The following CFTR variants were observed in gnomAD, a reference collection of about 807,000 sequenced individuals.
The protein encoded by CFTR is cystic fibrosis transmembrane conductance regulator.
In CFTR, 181 loss-of-function variants were observed where a neutral mutation model predicts 171.6. The observed-to-expected ratio is 1.05, with a 90% CI of 0.93 to 1.19. The LOEUF is 1.19. Ranked by LOEUF, CFTR falls within the 50% of genes most tolerant of loss-of-function variation. The probability of loss-of-function intolerance (pLI) is 0.00; values close to 1 mark genes in which losing one functional copy is unlikely to be tolerated. For missense variants in CFTR, 1,968 were observed against 1,734.7 expected, an observed-to-expected ratio of 1.13 and a Z score of -2.39; for synonymous variants, 583 against 608.0, an observed-to-expected ratio of 0.96 and a Z score of 0.60.
chr7:117,620,023 A>G (rs1792550639), intron 21 of CFTR, among the ~76,000 whole-genome samples: 1 of 152,162 alleles, frequency 6.6e-6, no homozygotes, highest in Non-Finnish European at 1.5e-5. Context: ...ATTTTCTTGT[A>G]CTGAAAGTAG....
intron 11 of CFTR, among the ~76,000 whole-genome samples, chr7:117,582,955 T>A (rs1411948365): frequency 6.6e-6 from 1 of 152,134 alleles, no homozygotes; most frequent in Non-Finnish European, 1.5e-5. Context: ...CTCTAATATT[T>A]TTTCACCTTA....
At chr7:117,597,993 G>A (rs1201846172) in intron 15 of CFTR, among the ~76,000 whole-genome samples, 1 of 152,146 alleles carries the variant, frequency 6.6e-6, no homozygotes, top group Non-Finnish European at 1.5e-5. Flanking sequence ...GTGGCTGGGA[G>A]GCTGAATGGA....
At chr7:117,521,593 G>A (rs189575794) in intron 3 of CFTR, among the ~76,000 whole-genome samples, 7 of 152,100 alleles carry the variant, frequency 4.6e-5, no homozygotes, top group Admixed American at 4.6e-4. Context: ...AAATTAAACT[G>A]TCCTATTATT....
At chr7:117,602,953 A>G in intron 16 of CFTR, 90 bp downstream of exon 16, 1 of 1,182,726 alleles carries the variant, frequency 8.5e-7, no homozygotes, top group South Asian at 1.2e-5. Context: ...ATTGTAATCC[A>G]CTTTGTTTCA....
chr7:117,661,430 T>C (rs145945956), intron 24 of CFTR, among the ~76,000 whole-genome samples: 3 of 152,338 alleles, frequency 2.0e-5, no homozygotes, highest in Non-Finnish European at 4.4e-5. Context: ...GCTCAGCTCT[T>C]TGCCACAAGT....
chr7:117,549,952 T>C (rs1292800750), intron 10 of CFTR, among the ~76,000 whole-genome samples: 1 of 152,158 alleles, frequency 6.6e-6, no homozygotes, highest in Non-Finnish European at 1.5e-5. Context: ...GGCAATTATT[T>C]ATCAATATCT....
chr7:117,554,208 T>C (rs1799315334), intron 10 of CFTR, among the ~76,000 whole-genome samples: 1 of 152,148 alleles, frequency 6.6e-6, no homozygotes. Context: ...GAGTCTATTG[T>C]GCCAGTTCAG....
chr7:117,580,354 T>C (rs1382102770), intron 11 of CFTR, among the ~76,000 whole-genome samples: 8 of 151,934 alleles, frequency 5.3e-5, no homozygotes, highest in African/African-American at 1.9e-4. Context: ...TAGCAAAAAT[T>C]GAGGTGTGAT....
At chr7:117,639,609 G>T (rs1188928830) in intron 22 of CFTR, among the ~76,000 whole-genome samples, 1 of 152,126 alleles carries the variant, frequency 6.6e-6, no homozygotes, top group East Asian at 1.9e-4. Flanking sequence ...TTCTCCATTT[G>T]TAGTCTCTTG....
intron 11 of CFTR, among the ~76,000 whole-genome samples, chr7:117,575,440 C>T (rs1474200909): frequency 6.6e-6 from 1 of 151,996 alleles, no homozygotes; most frequent in Non-Finnish European, 1.5e-5. Flanking sequence ...TTGTGGTGGC[C>T]ATGAGATGTG....
chr7:117,614,658 A>G lies in CFTR; in HGVS notation c.3413A>G (p.Asn1138Ser). 1.9e-6 allele frequency: 3 copies of G among 1,612,650 alleles called. No homozygotes were observed. Among genetic ancestry groups the G allele is most frequent in the Non-Finnish European group, 2.5e-6 (3 of 1,178,882 alleles). Residue 1138 changes from asparagine (N) to serine (S), a missense_variant, in exon 21 of 27, where the codon AAT (asparagine) becomes AGT (serine). Physicochemically the swap from Asn to Ser is conservative, Grantham distance 46. Coordinates refer to ENST00000003084, the MANE Select transcript of CFTR (RefSeq NM_000492.4). ...RVGIILTLAM[N>S]IMSTLQWAVN... Reference sequence around the variant, plus strand: ...GGTATTATCCTGACTTTAGCCATGAATATCATGAGTACATTGCAGTGGGCT... The same window carrying G: ...GGTATTATCCTGACTTTAGCCATGAGTATCATGAGTACATTGCAGTGGGCT...
At chr7:117,505,231 C>G (rs1584774780) in intron 2 of CFTR, among the ~76,000 whole-genome samples, 1 of 152,092 alleles carries the variant, frequency 6.6e-6, no homozygotes, top group East Asian at 1.9e-4. Flanking sequence ...CAGCTGAGGT[C>G]TGTATTGCCT....
rs553400365 is a variant in CFTR at position 117,626,377 on chromosome 7, T to C, written c.3469-1145T>C. ...GCAAATACACTTTTGCCCACATTTT[T>C]TTCCAAAAAGAATAATTTTTGAAGT... On this transcript the variant is annotated intron_variant, in intron 21 of 26. Coordinates refer to ENST00000003084, the MANE Select transcript of CFTR (RefSeq NM_000492.4). Among the ~76,000 whole-genome samples the C allele has an allele frequency of 2.0e-5, 3 of 152,242 alleles. No individual in the cohort carries two copies. In the East Asian group the frequency reaches 5.8e-4, roughly 29 times the overall value.
chr7:117,535,338 T>G lies in CFTR; in HGVS notation c.670T>G (p.Phe224Val), dbSNP rs1798933675. The G allele has an allele frequency of 6.2e-7, 1 of 1,614,036 alleles. No individual in the cohort carries two copies. The highest frequency in any genetic ancestry group is 8.5e-7 in the Non-Finnish European group (1 of 1,180,034). Residue 224 changes from phenylalanine to valine, a missense_variant, in exon 6 of 27, where the codon TTC becomes GTC. Transcript: ENST00000003084. ...CTGGGAGTTGTTACAGGCGTCTGCC[T>G]TCTGTGGACTTGGTTTCCTGATAGT... ...LIWELLQASA[F>V]CGLGFLIVLA...
intron 3 of CFTR, among the ~76,000 whole-genome samples, chr7:117,510,022 C>A (rs1235047493): frequency 6.6e-6 from 1 of 151,996 alleles, no homozygotes; most frequent in Non-Finnish European, 1.5e-5. Flanking sequence ...GTTCATACAC[C>A]CCCATGAAAA....
intron 11 of CFTR, among the ~76,000 whole-genome samples, chr7:117,570,937 T>C (rs572019045): frequency 2.0e-5 from 3 of 152,350 alleles, no homozygotes; most frequent in African/African-American, 7.2e-5. Context: ...GCTACCATAA[T>C]CCTAAGTAAG....
At chr7:117,654,941 C>T (rs1055324828) in intron 24 of CFTR, among the ~76,000 whole-genome samples, 2 of 152,164 alleles carry the variant, frequency 1.3e-5, no homozygotes, top group South Asian at 4.1e-4. Context: ...CTTGGAAGAT[C>T]TCCAAATGGC....
chr7:117,634,577 T>C (rs1792797794), intron 22 of CFTR, among the ~76,000 whole-genome samples: 1 of 152,114 alleles, frequency 6.6e-6, no homozygotes, highest in South Asian at 2.1e-4. Flanking sequence ...TTTGCATTCT[T>C]ATGCATTCAA....
intron 22 of CFTR, among the ~76,000 whole-genome samples, chr7:117,635,206 T>A (rs887453171): frequency 6.6e-6 from 1 of 152,142 alleles, no homozygotes; most frequent in African/African-American, 2.4e-5. Context: ...ATAATGCCCC[T>A]CATTATTTCC....
Sources: gnomAD v4.1 joint callset for allele counts (sites outside exome capture counted in the v4.1 genomes callset) on GRCh38, gnomAD v4.1.1 for gene constraint, MANE v1.5 for transcripts, NCBI Gene and HGNC (gene_info 2026-07-23, HGNC 2026-07-21) for gene names.